The following KCNQ3 variants were observed in gnomAD, a reference collection of about 807,000 sequenced individuals.
KCNQ3 encodes potassium voltage-gated channel subfamily Q member 3.
A neutral mutation model predicts 92.5 loss-of-function variants in KCNQ3; 30 were observed. That is an observed-to-expected ratio of 0.32 (90% CI 0.24 to 0.44). KCNQ3 has a LOEUF of 0.44. KCNQ3 is among the 20% of genes least tolerant of loss of function. The pLI is 1.00. For missense variants in KCNQ3, 913 were observed against 1,140.3 expected, an observed-to-expected ratio of 0.80 and a Z score of 2.87; for synonymous variants, 450 against 468.8, an observed-to-expected ratio of 0.96 and a Z score of 0.52.
intron 1 of KCNQ3, among the ~76,000 whole-genome samples, chr8:132,446,282 T>A (rs747207792): frequency 6.6e-6 from 1 of 152,134 alleles, no homozygotes; most frequent in African/African-American, 2.4e-5. Context: ...TAGCACCCAA[T>A]TAATAACTAA....
At chr8:132,273,195 A>G (rs1002792880) in intron 1 of KCNQ3, among the ~76,000 whole-genome samples, 2 of 152,230 alleles carry the variant, frequency 1.3e-5, no homozygotes, top group African/African-American at 4.8e-5. Context: ...CCAACCCTGC[A>G]GCAAACTTCT....
At chr8:132,173,780 T>C (rs1156667329) in intron 6 of KCNQ3, among the ~76,000 whole-genome samples, 1 of 152,186 alleles carries the variant, frequency 6.6e-6, no homozygotes, top group East Asian at 1.9e-4. Context: ...GAGAGACATG[T>C]ATTTTTTACA....
intron 1 of KCNQ3, among the ~76,000 whole-genome samples, chr8:132,468,784 T>C (rs1290154133): frequency 1.3e-5 from 2 of 152,166 alleles, no homozygotes; most frequent in Non-Finnish European, 1.5e-5. Flanking sequence ...GAGGTCTGAA[T>C]TCAGTATAGA....
chr8:132,421,112 G>A (rs1820954641), intron 1 of KCNQ3, among the ~76,000 whole-genome samples: 2 of 152,056 alleles, frequency 1.3e-5, no homozygotes, highest in South Asian at 4.2e-4. Context: ...ACATTAGGAG[G>A]GCTTTGCTGT....
chr8:132,382,142 C>T (rs1234680124), intron 1 of KCNQ3, among the ~76,000 whole-genome samples: 1 of 152,190 alleles, frequency 6.6e-6, no homozygotes, highest in South Asian at 2.1e-4. Flanking sequence ...TTAATAACAC[C>T]TTTATTGAAA....
chr8:132,300,231 A>G (rs1817171994), intron 1 of KCNQ3, among the ~76,000 whole-genome samples: 1 of 152,170 alleles, frequency 6.6e-6, no homozygotes, highest in African/African-American at 2.4e-5. Flanking sequence ...ATGGGAGGTG[A>G]CACCATTTTT....
At chr8:132,135,124 A>ATAAG (rs1204725367) in intron 12 of KCNQ3, among the ~76,000 whole-genome samples, 1 of 152,168 alleles carries the variant, frequency 6.6e-6, no homozygotes, top group Non-Finnish European at 1.5e-5. Flanking sequence ...CTTTGTGTTC[A>ATAAG]TAAGTTCCTA....
intron 1 of KCNQ3, among the ~76,000 whole-genome samples, chr8:132,261,743 C>T (rs1455617590): frequency 6.6e-6 from 1 of 152,146 alleles, no homozygotes; most frequent in Non-Finnish European, 1.5e-5. Flanking sequence ...CTGCGCAAAC[C>T]CTGGATGCTG....
intron 1 of KCNQ3, among the ~76,000 whole-genome samples, chr8:132,187,956 G>C (rs1486065855): frequency 6.6e-6 from 1 of 151,764 alleles, no homozygotes; most frequent in Non-Finnish European, 1.5e-5. Flanking sequence ...TGGTGGTTGT[G>C]ATGATGGTAA....
intron 1 of KCNQ3, chr8:132,277,893 G>A: frequency 1.1e-6 from 1 of 947,490 alleles, no homozygotes; most frequent in Non-Finnish European, 1.3e-6. Flanking sequence ...TGATCCCCCT[G>A]TCTCTGCTTC....
intron 1 of KCNQ3, among the ~76,000 whole-genome samples, chr8:132,293,791 T>C (rs1586902370): frequency 6.6e-6 from 1 of 152,120 alleles, no homozygotes; most frequent in African/African-American, 2.4e-5. Flanking sequence ...AGAAACTGGG[T>C]GATAAGTTGT....
intron 9 of KCNQ3, among the ~76,000 whole-genome samples, chr8:132,150,064 T>C (rs1825588406): frequency 7.5e-6 from 1 of 134,146 alleles, no homozygotes; most frequent in South Asian, 2.2e-4. Context: ...AGACGACTTT[T>C]AAACAAAGCT....
rs1230802468 is a variant in KCNQ3 at position 132,173,098 on chromosome 8, G to A, written c.1045-405C>T. On this transcript the variant is annotated intron_variant, in intron 6 of 14. Transcript: ENST00000388996. ...CTGCACAAAATAGATGCCCAGTAAT[G>A]TTAACTGAGTTTTAAAAATATTTTA... Among the ~76,000 whole-genome samples, 9 of 152,348 alleles carry A rather than the reference G, an allele frequency of 5.9e-5. No individual in the cohort carries two copies. In the East Asian group the frequency reaches 1.7e-3, roughly 29 times the overall value.
At chr8:132,145,725 A>T (rs79063232) in intron 9 of KCNQ3, among the ~76,000 whole-genome samples, 2,016 of 152,352 alleles carry the variant, frequency 0.013, 41 homozygotes, top group African/African-American at 0.045. Context: ...TGACAAGGAG[A>T]CCAAGAGAAT....
rs746403693 is a variant in KCNQ3 at position 132,137,888 on chromosome 8, G to A, written c.1697C>T (p.Thr566Met). 1.4e-5 allele frequency: 22 copies of A among 1,613,894 alleles called. No homozygotes were observed. The Admixed American group carries it at 1.7e-4, about 12-fold the overall frequency. Residue 566 changes from threonine (T) to methionine (M), a missense_variant, in exon 12 of 15, where the codon ACG (threonine) becomes ATG (methionine). By Grantham distance (81) the Thr-to-Met change is moderately conservative. Around this residue, in one of 6 missense-constraint regions of KCNQ3, gnomAD observed 182 missense variants for 234.5 expected, o/e 0.78. Coordinates refer to ENST00000388996, the MANE Select transcript of KCNQ3 (RefSeq NM_004519.4). ...CCTCCAGATGTGACTGTCTCACCTC[G>A]TCTGAAGGTACTTTATCCTGGAAAG... is the stretch of plus-strand genomic sequence containing the variant. ...DMLSRIKYLQTRIDMIFTPGP... is the reference protein window; with the variant it reads ...DMLSRIKYLQMRIDMIFTPGP...
chr8:132,462,637 T>C (rs912778140), intron 1 of KCNQ3, among the ~76,000 whole-genome samples: 1 of 152,236 alleles, frequency 6.6e-6, no homozygotes, highest in Non-Finnish European at 1.5e-5. Context: ...TCAGAATATC[T>C]GAAGCCAATC....
At chr8:132,294,862 A>G (rs1487234610) in intron 1 of KCNQ3, among the ~76,000 whole-genome samples, 1 of 152,154 alleles carries the variant, frequency 6.6e-6, no homozygotes, top group South Asian at 2.1e-4. Context: ...TTGAAACTGG[A>G]CCCCTCCCTT....
chr8:132,457,959 C>A (rs150350963), intron 1 of KCNQ3, among the ~76,000 whole-genome samples: 122 of 152,312 alleles, frequency 8.0e-4, no homozygotes, highest in African/African-American at 2.6e-3. Flanking sequence ...GCCACCCTGC[C>A]TCCCTCCATG....
rs773584143 is a variant in KCNQ3, at chr8:132,140,137, C to T, written c.1507G>A (p.Gly503Arg). 20 of 1,613,168 alleles carry T rather than the reference C, an allele frequency of 1.2e-5. No homozygotes were observed. Among genetic ancestry groups the T allele is most frequent in the Non-Finnish European group, 1.6e-5 (19 of 1,179,814 alleles). Residue 503 changes from glycine to arginine, a missense_variant, in exon 11 of 15, where the codon GGG becomes AGG. Around this residue, in one of 6 missense-constraint regions of KCNQ3, gnomAD observed 182 missense variants for 234.5 expected, o/e 0.78. Transcript: ENST00000388996. ...ATGTCTTCGATGGGGAAGTCATTCC[C>T]ATAGCCCCTGTCTTCCGCCATGGGG... Reference protein sequence around the residue: ...GDPMAEDRGYGNDFPIEDMIP... With the variant: ...GDPMAEDRGYRNDFPIEDMIP...
Sources: gnomAD v4.1 joint callset for allele counts (sites outside exome capture counted in the v4.1 genomes callset) on GRCh38, gnomAD v4.1.1 for gene constraint, gnomAD v4.1.1 regional missense constraint, MANE v1.5 for transcripts, NCBI Gene and HGNC (gene_info 2026-07-23, HGNC 2026-07-21) for gene names.